Variants in MNAT1 observed in about 807,000 individuals in gnomAD.
The protein encoded by MNAT1 is CDK-activating kinase assembly factor MAT1.
Under a neutral mutation model 42.0 loss-of-function variants are expected in MNAT1, and 43 were observed. The ratio of observed to expected loss-of-function variants is 1.02; its 90% CI spans 0.80 to 1.32. MNAT1 has a LOEUF of 1.32. MNAT1 is among the 40% of genes most tolerant of loss of function. MNAT1 has a pLI of 0.00. For synonymous variants in MNAT1, 118 were observed against 120.0 expected (o/e 0.98, Z 0.11); for missense variants, 306 against 350.4 (o/e 0.87, Z 1.01).
intron 7 of MNAT1, among the ~76,000 whole-genome samples, chr14:60,948,864 G>C (rs2036330721): frequency 6.6e-6 from 1 of 151,694 alleles, no homozygotes; most frequent in Non-Finnish European, 1.5e-5. Context: ...GAAACAGCAA[G>C]ATAAGATGAT....
At chr14:60,941,311 A>G (rs937402455) in intron 7 of MNAT1, among the ~76,000 whole-genome samples, 6 of 152,218 alleles carry the variant, frequency 3.9e-5, no homozygotes, top group Non-Finnish European at 7.3e-5. Flanking sequence ...ACTGACTAGG[A>G]TGCTTTCAAT....
intron 1 of MNAT1, among the ~76,000 whole-genome samples, chr14:60,794,468 C>T (rs1041383072): frequency 5.3e-5 from 8 of 150,972 alleles, no homozygotes; most frequent in Admixed American, 4.0e-4. Context: ...AGTTCGAGAC[C>T]AGCCTGAGCA....
chr14:60,894,481 G>T (rs1048969842), intron 7 of MNAT1, among the ~76,000 whole-genome samples: 1 of 151,974 alleles, frequency 6.6e-6, no homozygotes, highest in Non-Finnish European at 1.5e-5. Flanking sequence ...TTTTTTCCCA[G>T]TAAGTTATTA....
In MNAT1 at chr14:60,911,424, A is replaced by C. The variant is rs1377310685; in HGVS notation, c.809+31589A>C. On this transcript the variant is annotated intron_variant, in intron 7 of 7. Coordinates refer to ENST00000261245, the MANE Select transcript of MNAT1 (RefSeq NM_002431.4). Reference sequence around the variant, plus strand: ...CTTTTAATTCTGTTGTTAGGGTGTCAATTTTAGATCTTTCCTCCTTTCTCT... The same window carrying C: ...CTTTTAATTCTGTTGTTAGGGTGTCCATTTTAGATCTTTCCTCCTTTCTCT... Among the ~76,000 whole-genome samples the C allele has an allele frequency of 2.0e-5, 3 of 151,928 alleles. No homozygotes were observed. In the South Asian group the frequency reaches 6.3e-4, roughly 32 times the overall value.
chr14:60,749,471 G>A (rs574606257), intron 1 of MNAT1, among the ~76,000 whole-genome samples: 3 of 152,048 alleles, frequency 2.0e-5, no homozygotes, highest in African/African-American at 7.2e-5. Context: ...ATGATTGCCT[G>A]GGTTGGAATC....
intron 1 of MNAT1, among the ~76,000 whole-genome samples, chr14:60,787,319 A>G (rs114272047): frequency 0.013 from 2,002 of 152,318 alleles, 44 homozygotes; most frequent in African/African-American, 0.046. Flanking sequence ...TACAATATCA[A>G]TATGACTAAA....
intron 7 of MNAT1, among the ~76,000 whole-genome samples, chr14:60,938,035 A>T (rs998653559): frequency 1.3e-5 from 2 of 152,046 alleles, no homozygotes; most frequent in Non-Finnish European, 2.9e-5. Flanking sequence ...TTTGTCTGTT[A>T]TTGGTGTAGA....
intron 6 of MNAT1, among the ~76,000 whole-genome samples, chr14:60,876,481 A>G (rs139051606): frequency 3.6e-4 from 55 of 152,170 alleles, no homozygotes; most frequent in African/African-American, 1.3e-3. Context: ...CTGTGACATT[A>G]AGTACATCCA....
chr14:60,860,509 C>T (rs1276723529), intron 6 of MNAT1, among the ~76,000 whole-genome samples: 1 of 151,822 alleles, frequency 6.6e-6, no homozygotes, highest in Non-Finnish European at 1.5e-5. Flanking sequence ...CCCACCACCA[C>T]ACCTGGCTAA....
chr14:60,820,318 A>G (rs1443847576), intron 6 of MNAT1, among the ~76,000 whole-genome samples: 1 of 152,074 alleles, frequency 6.6e-6, no homozygotes, highest in Non-Finnish European at 1.5e-5. Flanking sequence ...TAAATTAGAG[A>G]TAATACTCTA....
chr14:60,760,686 T>C (rs2030563407), intron 1 of MNAT1, among the ~76,000 whole-genome samples: 1 of 152,232 alleles, frequency 6.6e-6, no homozygotes, highest in Non-Finnish European at 1.5e-5. Context: ...ATCCACCTCT[T>C]ATTTCTGTAA....
At chr14:60,902,690 A>G (rs1342045614) in intron 7 of MNAT1, among the ~76,000 whole-genome samples, 1 of 152,166 alleles carries the variant, frequency 6.6e-6, no homozygotes, top group African/African-American at 2.4e-5. Context: ...TTACAATCTG[A>G]TCAGAGAAGA....
At chr14:60,854,884 A>G (rs574569616) in intron 6 of MNAT1, among the ~76,000 whole-genome samples, 1 of 152,320 alleles carries the variant, frequency 6.6e-6, no homozygotes, top group Non-Finnish European at 1.5e-5. Flanking sequence ...GCTGGCAGGC[A>G]GGAACAATTC....
chr14:60,937,968 A>G (rs1206516753), intron 7 of MNAT1, among the ~76,000 whole-genome samples: 4 of 152,124 alleles, frequency 2.6e-5, no homozygotes, highest in Admixed American at 2.6e-4. Flanking sequence ...TTGGATTCCT[A>G]GGTATTTTAT....
At chr14:60,754,341 C>CT (rs1302508545) in intron 1 of MNAT1, among the ~76,000 whole-genome samples, 3,123 of 126,164 alleles carry the variant, frequency 0.025, 81 homozygotes, top group African/African-American at 0.055. Flanking sequence ...GAAATTTCTT[C>CT]TTTTTTTTTT....
chr14:60,812,466 C>T (rs1412661506), intron 5 of MNAT1, among the ~76,000 whole-genome samples: 4 of 152,158 alleles, frequency 2.6e-5, no homozygotes, highest in African/African-American at 4.8e-5. Flanking sequence ...CAGATAGGGA[C>T]GGGTACCCAG....
intron 1 of MNAT1, among the ~76,000 whole-genome samples, chr14:60,763,202 A>G (rs2030681185): frequency 6.6e-6 from 1 of 152,188 alleles, no homozygotes; most frequent in Non-Finnish European, 1.5e-5. Context: ...ACTGAGATTC[A>G]AAATGATCAC....
At chr14:60,783,051 A>G (rs1205868182) in intron 1 of MNAT1, among the ~76,000 whole-genome samples, 1 of 152,174 alleles carries the variant, frequency 6.6e-6, no homozygotes, top group African/African-American at 2.4e-5. Flanking sequence ...TCCCTAGTAG[A>G]TGTTCGTAGG....
chr14:60,794,407 A>G (rs2031932863), intron 1 of MNAT1, among the ~76,000 whole-genome samples: 1 of 151,884 alleles, frequency 6.6e-6, no homozygotes, highest in African/African-American at 2.4e-5. Context: ...GCTCATGCCT[A>G]TAATCCCAGA....
Sources: gnomAD v4.1 joint callset for allele counts (sites outside exome capture counted in the v4.1 genomes callset) on GRCh38, gnomAD v4.1.1 for gene constraint, MANE v1.5 for transcripts, NCBI Gene and HGNC (gene_info 2026-07-23, HGNC 2026-07-21) for gene names.